Variants in KIFAP3 observed in about 807,000 individuals in gnomAD.
KIFAP3 encodes the protein kinesin associated protein 3.
KIFAP3 carries 68 observed loss-of-function variants against 106.5 expected under a neutral mutation model. The observed-to-expected ratio is 0.64, with a 90% CI of 0.53 to 0.78. The LOEUF (loss-of-function observed/expected upper bound fraction) is 0.78. KIFAP3 is among the 30% of genes least tolerant of loss of function. The pLI, the probability that KIFAP3 is intolerant of heterozygous loss-of-function variation, is 0.00. For missense variants in KIFAP3, 780 were observed against 941.8 expected (o/e 0.83, Z 2.25); for synonymous variants, 320 against 311.5 (o/e 1.03, Z -0.29).
intron 18 of KIFAP3, 86 bp from the exon 19 acceptor site, chr1:169,954,196 T>C (rs1664885706): frequency 1.3e-6 from 1 of 794,226 alleles, no homozygotes; most frequent in South Asian, 1.5e-5. Flanking sequence ...AAATAACTTG[T>C]ATATTTAATC....
At chr1:169,932,227 T>C (rs1179564477) in intron 19 of KIFAP3, among the ~76,000 whole-genome samples, 1 of 152,112 alleles carries the variant, frequency 6.6e-6, no homozygotes, top group Non-Finnish European at 1.5e-5. Context: ...AAGGAAAATG[T>C]TTCTGATGTT....
intron 19 of KIFAP3, among the ~76,000 whole-genome samples, chr1:169,937,975 G>A (rs988634954): frequency 1.2e-4 from 18 of 151,782 alleles, no homozygotes; most frequent in African/African-American, 4.1e-4. Context: ...TAGTCAGTTG[G>A]TTATTGCTAT....
intron 11 of KIFAP3, among the ~76,000 whole-genome samples, chr1:169,988,738 T>C (rs78540770): frequency 0.016 from 2,397 of 152,114 alleles, 47 homozygotes; most frequent in South Asian, 0.08. Context: ...AACTTGGCAC[T>C]GGGTGGCAAT....
upstream of KIFAP3, among the ~76,000 whole-genome samples, chr1:170,076,689 T>C (rs1406290665): frequency 6.6e-6 from 1 of 152,180 alleles, no homozygotes; most frequent in Admixed American, 6.5e-5. Flanking sequence ...AAGGAAAAGC[T>C]CTTCTTAACA....
rs1362879264 is a variant in KIFAP3 at position 170,004,551 on chromosome 1, C to T, written c.1183+11911G>A. Among the ~76,000 whole-genome samples the T allele has an allele frequency of 2.8e-4, 42 of 152,062 alleles. No individual in the cohort carries two copies. The South Asian group carries it at 3.7e-3, about 14-fold the overall frequency. On this transcript the variant is annotated intron_variant, in intron 10 of 19. Coordinates refer to ENST00000361580, the MANE Select transcript of KIFAP3 (RefSeq NM_014970.4). ...AGAACAGAGCTCTCAGAAATAATGC[C>T]GCATATCTACAACTATCTGATCTTT...
intron 1 of KIFAP3, among the ~76,000 whole-genome samples, chr1:170,083,329 G>A (rs188630166): frequency 1.2e-3 from 189 of 152,194 alleles, no homozygotes; most frequent in Middle Eastern, 3.4e-3. Flanking sequence ...TTTCTATTTC[G>A]TTCTCATCTC....
chr1:169,923,177 T>C (rs80175861), intron 19 of KIFAP3: 7,748 of 590,178 alleles, frequency 0.013, 330 homozygotes, highest in African/African-American at 0.12. Flanking sequence ...GGTCCTTCTA[T>C]ATAAAAACTC....
chr1:170,082,245 T>G (rs1672031047), intron 1 of KIFAP3, among the ~76,000 whole-genome samples: 1 of 152,182 alleles, frequency 6.6e-6, no homozygotes, highest in Non-Finnish European at 1.5e-5. Context: ...TGGATACTAC[T>G]TAGCATCAAG....
At position 169,983,433 on chromosome 1, in the gene KIFAP3, ATT is replaced by A. The variant is rs781574965; in HGVS notation, c.1394-53_1394-52del. 7.7e-6 allele frequency: 10 copies of A among 1,300,408 alleles called. No individual in the cohort carries two copies. The East Asian group carries it at 2.3e-4, about 30-fold the overall frequency. The allele number at this position is 1,300,408 out of a possible 1,614,324, so 80.6% of individuals were successfully genotyped here. A position where few individuals can be genotyped will look rare whatever the true frequency, so the allele number is the denominator to read the frequency against. ...AATTAAGGTTAGCTTAAGTTTAATA[ATT>A]TTTTGTTTAGTTCTCAAAAAAGCCA... On this transcript the variant is annotated intron_variant, in intron 12 of 19. Transcript: ENST00000361580.
At chr1:169,985,636 C>T (rs1666780757) in intron 11 of KIFAP3, among the ~76,000 whole-genome samples, 1 of 151,908 alleles carries the variant, frequency 6.6e-6, no homozygotes, top group Non-Finnish European at 1.5e-5. Flanking sequence ...AAGTCATAAA[C>T]ACAGGCCTGA....
At chr1:170,022,687 C>T (rs766642755) in intron 9 of KIFAP3, among the ~76,000 whole-genome samples, 1 of 152,112 alleles carries the variant, frequency 6.6e-6, no homozygotes, top group Non-Finnish European at 1.5e-5. Flanking sequence ...AAGGTAAAAT[C>T]CATATCATCT....
At chr1:170,035,908 C>T (rs1336889798) in intron 5 of KIFAP3, among the ~76,000 whole-genome samples, 1 of 151,368 alleles carries the variant, frequency 6.6e-6, no homozygotes, top group Non-Finnish European at 1.5e-5. Flanking sequence ...TGATTTTTTT[C>T]TTTTTAACAT....
intron 19 of KIFAP3, among the ~76,000 whole-genome samples, chr1:169,953,736 G>C (rs1188450080): frequency 6.6e-6 from 1 of 152,142 alleles, no homozygotes; most frequent in African/African-American, 2.4e-5. Flanking sequence ...GGATGGTCTC[G>C]ATCTCCTGAC....
intron 17 of KIFAP3, among the ~76,000 whole-genome samples, chr1:169,970,568 T>G (rs1665868859): frequency 6.6e-6 from 1 of 152,080 alleles, no homozygotes; most frequent in South Asian, 2.1e-4. Context: ...GTAAATTGCT[T>G]TAAGCTACAA....
At chr1:170,020,601 CCAT>C (rs1292192096) in intron 9 of KIFAP3, among the ~76,000 whole-genome samples, 1 of 152,142 alleles carries the variant, frequency 6.6e-6, no homozygotes, top group East Asian at 1.9e-4. Context: ...GTGCCCACCA[CCAT>C]GCCAGGATAA....
chr1:169,961,256 A>G, intron 17 of KIFAP3, 21 bp from the exon 18 acceptor site: 1 of 1,588,298 alleles, frequency 6.3e-7, no homozygotes, highest in Non-Finnish European at 8.6e-7. Context: ...CAAACAGTCA[A>G]CTGTTATTAT....
chr1:170,007,150 C>A (rs1471235292), intron 10 of KIFAP3, among the ~76,000 whole-genome samples: 1 of 152,024 alleles, frequency 6.6e-6, no homozygotes, highest in Non-Finnish European at 1.5e-5. Flanking sequence ...TGGCAATGTG[C>A]AGGTCACTGG....
chr1:170,036,236 A>C (rs1222872284), intron 5 of KIFAP3, among the ~76,000 whole-genome samples: 1 of 152,100 alleles, frequency 6.6e-6, no homozygotes, highest in African/African-American at 2.4e-5. Context: ...CTAATTCTTA[A>C]AATAATTAAA....
chr1:169,978,074 T>C lies in KIFAP3; in HGVS notation c.1897+11A>G, dbSNP rs757041678. On this transcript the variant is annotated intron_variant, in intron 16 of 19. Coordinates refer to ENST00000361580, the MANE Select transcript of KIFAP3 (RefSeq NM_014970.4). ...AAATATTGTTATCTACGGTAAACACTGAAAGGATACGTGTTTCCTTGATTA... is the reference window on the plus strand; with the variant it reads ...AAATATTGTTATCTACGGTAAACACCGAAAGGATACGTGTTTCCTTGATTA... 2.0e-6 allele frequency: 3 copies of C among 1,531,698 alleles called. No individual in the cohort carries two copies. Among genetic ancestry groups the C allele is most frequent in the Non-Finnish European group, 1.8e-6 (2 of 1,106,316 alleles). The allele number at this position is 1,531,698 out of a possible 1,614,324, so 94.9% of individuals were successfully genotyped here.
Sources: gnomAD v4.1 joint callset for allele counts (sites outside exome capture counted in the v4.1 genomes callset) on GRCh38, gnomAD v4.1.1 for gene constraint, MANE v1.5 for transcripts, NCBI Gene and HGNC (gene_info 2026-07-23, HGNC 2026-07-21) for gene names.